The following ARMC8 variants were observed in gnomAD, a reference collection of about 807,000 sequenced individuals.
ARMC8 encodes the protein armadillo repeat-containing protein 8.
ARMC8 carries 20 observed loss-of-function variants against 99.3 expected under a neutral mutation model. The ratio of observed to expected loss-of-function variants is 0.20; its 90% confidence interval spans 0.14 to 0.29. The LOEUF is 0.29. Ranked by LOEUF, ARMC8 falls within the 10% of genes least tolerant of loss-of-function variation. The pLI is 1.00. For synonymous variants in ARMC8, 263 were observed against 278.3 expected, an observed-to-expected ratio of 0.95 and a Z score of 0.55; for missense variants, 569 against 809.5, an observed-to-expected ratio of 0.70 and a Z score of 3.60.
chr3:138,214,081 G>C (rs1424604469), intron 2 of ARMC8, among the ~76,000 whole-genome samples: 1 of 151,926 alleles, frequency 6.6e-6, no homozygotes, highest in Non-Finnish European at 1.5e-5. Flanking sequence ...GAGCCCAGGA[G>C]GTGGAGGTTG....
At chr3:138,194,341 CTTTTTTT>C in intron 1 of ARMC8, among the ~76,000 whole-genome samples, 1 of 126,580 alleles carries the variant, frequency 7.9e-6, no homozygotes, top group South Asian at 2.5e-4. Context: ...CTGCGCCCAG[CTTTTTTT>C]TTTTTTTTTT....
In ARMC8 at chr3:138,221,942, G is replaced by A; in HGVS notation, c.139G>A (p.Val47Ile). The A allele has an allele frequency of 6.2e-7, 1 of 1,613,088 alleles. No homozygotes were observed. The highest frequency in any genetic ancestry group is 8.5e-7 in the Non-Finnish European group (1 of 1,179,348). The change falls in exon 3 of 22, where the codon GTA becomes ATA. Residue 47 changes from valine to isoleucine, a missense_variant. Physicochemically the swap from Val to Ile is conservative, Grantham distance 29. Transcript: ENST00000469044. ...TTAATTCAGAGACATGAAAAATGCT[G>A]TAATTGGAAACAACAAGCAGAAAGC... is the stretch of plus-strand genomic sequence containing the variant. ...LQGVIDMKNAVIGNNKQKANL... is the reference protein window; with the variant it reads ...LQGVIDMKNAIIGNNKQKANL...
chr3:138,265,862 TG>T (rs2048230938), intron 14 of ARMC8, among the ~76,000 whole-genome samples: 1 of 152,158 alleles, frequency 6.6e-6, no homozygotes. Flanking sequence ...ACAGAGTATA[TG>T]ATTTATGTGT....
chr3:138,212,989 G>A (rs935842042), intron 2 of ARMC8, among the ~76,000 whole-genome samples: 2 of 152,032 alleles, frequency 1.3e-5, no homozygotes, highest in East Asian at 3.9e-4. Context: ...GAACATATAC[G>A]AGGCATGGTG....
chr3:138,259,258 T>G (rs1026900308), intron 12 of ARMC8, among the ~76,000 whole-genome samples: 3 of 152,224 alleles, frequency 2.0e-5, no homozygotes, highest in Non-Finnish European at 4.4e-5. Context: ...CAGAGGGCTG[T>G]GGCAGCAGCC....
intron 1 of ARMC8, among the ~76,000 whole-genome samples, chr3:138,206,069 A>G (rs1286388854): frequency 1.3e-5 from 2 of 152,264 alleles, no homozygotes; most frequent in African/African-American, 4.8e-5. Flanking sequence ...ATAAGTTATT[A>G]CTGAAATTTG....
chr3:138,236,821 C>T (rs1019557674), intron 7 of ARMC8, among the ~76,000 whole-genome samples: 20 of 151,880 alleles, frequency 1.3e-4, no homozygotes, highest in South Asian at 4.1e-4. Flanking sequence ...TGGTATTATC[C>T]CAAACCAGTA....
chr3:138,262,646 A>G (rs1328726579), intron 12 of ARMC8: 23 of 1,491,074 alleles, frequency 1.5e-5, no homozygotes, highest in Admixed American at 2.4e-5. Context: ...TGGAGAATCT[A>G]ATTTAATTGG....
chr3:138,267,990 C>T (rs2048433713), intron 15 of ARMC8, among the ~76,000 whole-genome samples: 1 of 151,948 alleles, frequency 6.6e-6, no homozygotes, highest in African/African-American at 2.4e-5. Flanking sequence ...TGCGTGTAAA[C>T]CCAGCAGTTT....
chr3:138,222,463 A>C (rs892723329), intron 3 of ARMC8, among the ~76,000 whole-genome samples: 8 of 152,184 alleles, frequency 5.3e-5, no homozygotes, highest in Non-Finnish European at 1.2e-4. Flanking sequence ...TAACGTAAGA[A>C]GTTTAGGAAG....
chr3:138,278,059 A>C (rs1486675214), intron 18 of ARMC8, among the ~76,000 whole-genome samples: 2 of 152,234 alleles, frequency 1.3e-5, no homozygotes, highest in African/African-American at 4.8e-5. Flanking sequence ...AAGACAAAAC[A>C]GTAGAGACAG....
At chr3:138,221,471 A>G (rs1291350873) in intron 2 of ARMC8, among the ~76,000 whole-genome samples, 1 of 152,216 alleles carries the variant, frequency 6.6e-6, no homozygotes, top group African/African-American at 2.4e-5. Flanking sequence ...TAAAGCAGAT[A>G]AAATGGAATT....
Position 138,245,892 on chromosome 3 carries a change from T to C in ARMC8, c.1134+709T>C, listed in dbSNP as rs1050900945. On this transcript the variant is annotated intron_variant, in intron 12 of 21. Transcript: ENST00000469044. Reference sequence around the variant, plus strand: ...AGCTGGAACTTACCACTCAAAAACATGTATAACCTAATAAATTCTACACAA... The same window carrying C: ...AGCTGGAACTTACCACTCAAAAACACGTATAACCTAATAAATTCTACACAA... The C allele has an allele frequency of 7.1e-5, 70 of 985,472 alleles. No individual in the cohort carries two copies. The African/African-American group carries it at 1.2e-3, about 16-fold the overall frequency. 61.0% of individuals were successfully genotyped at this position (985,472 alleles called of 1,614,324 possible).
intron 3 of ARMC8, 141 bp downstream of exon 3, chr3:138,222,138 A>G (rs1048398358): frequency 1.6e-6 from 1 of 643,396 alleles, no homozygotes; most frequent in Non-Finnish European, 2.6e-6. Context: ...AAATGTAAGT[A>G]TTTAAACTAT....
rs2050655121 is a variant in ARMC8 at position 138,288,668 on chromosome 3, TCGCTCTGTCA to T, written c.1822-378_1822-369del. Among the ~76,000 whole-genome samples, 5 of 143,658 alleles carry T rather than the reference TCGCTCTGTCA, an allele frequency of 3.5e-5. No individual in the cohort carries two copies. In the Admixed American group the frequency reaches 3.8e-4, roughly 11 times the overall value. 94.2% of individuals were successfully genotyped at this position (143,658 alleles called of 152,430 possible). A position where few individuals can be genotyped will look rare whatever the true frequency, so the allele number is the denominator to read the frequency against. ...TTTTTTTTTTTTTTGAGACGGAGTC[TCGCTCTGTCA>T]CCCAGGCTGAGTGCAATGGCACGAT... On this transcript the variant is annotated intron_variant, in intron 19 of 21. Transcript: ENST00000469044.
chr3:138,205,540 T>A (rs2044325949), intron 1 of ARMC8, among the ~76,000 whole-genome samples: 1 of 152,188 alleles, frequency 6.6e-6, no homozygotes, highest in South Asian at 2.1e-4. Flanking sequence ...GCATTACCGG[T>A]GATGGAAATA....
rs2046642716 is a variant in ARMC8, at chr3:138,241,866, G to T, written c.921G>T (p.Leu307=). The T allele has an allele frequency of 6.2e-7, 1 of 1,614,080 alleles. No individual in the cohort carries two copies. The highest frequency in any genetic ancestry group is 2.2e-5 in the East Asian group (1 of 44,858). Residue 307 remains leucine, a synonymous_variant, in exon 11 of 22, where the codon CTG becomes CTT. Coordinates refer to ENST00000469044, the MANE Select transcript of ARMC8 (RefSeq NM_001363941.2). ...RVEGAETLAY[L]IEPDVELQRI... ...AAGGAGCTGAGACACTTGCCTATCT[G>T]ATTGAACCAGATGTTGAGCTACAGA...
At chr3:138,273,195 C>G in intron 17 of ARMC8, 79 bp downstream of exon 17, 1 of 1,383,088 alleles carries the variant, frequency 7.2e-7, no homozygotes, top group South Asian at 1.5e-5. Flanking sequence ...TCTGTGCTCT[C>G]ATTAACATCT....
At chr3:138,239,572 A>G (rs766457902) in intron 10 of ARMC8, 44 bp downstream of exon 10, 2 of 1,275,754 alleles carry the variant, frequency 1.6e-6, no homozygotes, top group African/African-American at 1.5e-5. Flanking sequence ...TTATCCAGTT[A>G]TGTGTTAAAT....
Sources: gnomAD v4.1 joint callset for allele counts (sites outside exome capture counted in the v4.1 genomes callset) on GRCh38, gnomAD v4.1.1 for gene constraint, MANE v1.5 for transcripts, NCBI Gene and HGNC (gene_info 2026-07-23, HGNC 2026-07-21) for gene names.